The following ARF4 variants were observed in gnomAD, a reference collection of about 807,000 sequenced individuals.
ARF4 encodes ARF GTPase 4.
A neutral mutation model predicts 24.3 loss-of-function variants in ARF4; 5 were observed. The observed-to-expected ratio is 0.21, with a 90% CI of 0.11 to 0.43. The LOEUF is 0.43. Ranked by LOEUF, ARF4 falls within the 20% of genes least tolerant of loss-of-function variation. The pLI, the probability that ARF4 is intolerant of heterozygous loss-of-function variation, is 1.00. For missense variants in ARF4, 107 were observed against 213.0 expected (o/e 0.50, Z 3.10); for synonymous variants, 62 against 73.5 (o/e 0.84, Z 0.80).
chr3:57,583,134 C>G (rs2069996203), intron 3 of ARF4, among the ~76,000 whole-genome samples: 1 of 152,172 alleles, frequency 6.6e-6, no homozygotes, highest in African/African-American at 2.4e-5. Flanking sequence ...TGTAAGATAC[C>G]AGACCAGTAG....
intron 3 of ARF4, among the ~76,000 whole-genome samples, chr3:57,580,955 A>G (rs928858826): frequency 1.3e-5 from 2 of 152,132 alleles, no homozygotes; most frequent in Non-Finnish European, 2.9e-5. Flanking sequence ...CCAAAGTGAC[A>G]TTATTGAGAA....
chr3:57,596,990 G>C (rs985292628), intron 1 of ARF4, 84 bp downstream of exon 1: 1 of 1,447,110 alleles, frequency 6.9e-7, no homozygotes, highest in East Asian at 2.4e-5. Flanking sequence ...AGCGGGCGGA[G>C]GAAAAAAACA....
intron 3 of ARF4, among the ~76,000 whole-genome samples, chr3:57,579,063 G>A (rs1016644450): frequency 2.0e-5 from 3 of 151,820 alleles, no homozygotes; most frequent in South Asian, 4.2e-4. Context: ...CTGGGAGGCC[G>A]AGGCAGGTGG....
Position 57,597,120 on chromosome 3 carries a change from G to A in ARF4, c.21C>T (p.Ser7=), listed in dbSNP as rs770640352. 4.3e-6 allele frequency: 7 copies of A among 1,614,144 alleles called. No individual in the cohort carries two copies. The highest frequency in any genetic ancestry group is 2.2e-5 in the South Asian group (2 of 91,080). MGLTIS[S]LFSRLFGKKQ... ...TCTTGCCAAATAGTCGGGAGAAGAG[G>A]GAGGAGATAGTGAGGCCCATGGCGG... The change falls in exon 1 of 6, where the codon TCC becomes TCT. Residue 7 remains serine (S), a synonymous_variant. Transcript: ENST00000303436.
chr3:57,575,305 CAAAAAAAA>C (rs11294059), intron 5 of ARF4, among the ~76,000 whole-genome samples: 28 of 134,998 alleles, frequency 2.1e-4, no homozygotes, highest in Admixed American at 9.5e-4. Flanking sequence ...CCTCTCCCTT[CAAAAAAAA>C]AAAAAAAGAA....
Position 57,584,281 on chromosome 3 carries a change from A to G in ARF4, c.148+103T>C, listed in dbSNP as rs2070010300. On this transcript the variant is annotated intron_variant, in intron 2 of 5. Coordinates refer to ENST00000303436, the MANE Select transcript of ARF4 (RefSeq NM_001660.4). Reference sequence around the variant, plus strand: ...CCCGGCCTGTTTTAAAAGTACTTCTAAGATAATCAACATGCTTAACAAAAA... The same window carrying G: ...CCCGGCCTGTTTTAAAAGTACTTCTGAGATAATCAACATGCTTAACAAAAA... 4 of 1,130,172 alleles carry G rather than the reference A, an allele frequency of 3.5e-6. No individual in the cohort carries two copies. The East Asian group carries it at 7.1e-5, about 20-fold the overall frequency. The allele number at this position is 1,130,172 out of a possible 1,614,324, so 70.0% of individuals were successfully genotyped here. A position where few individuals can be genotyped will look rare whatever the true frequency, so the allele number is the denominator to read the frequency against.
intron 4 of ARF4, 30 bp from the exon 5 acceptor site, chr3:57,575,703 TACC>T (rs1246534916): frequency 1.9e-6 from 3 of 1,577,078 alleles, no homozygotes; most frequent in Non-Finnish European, 2.6e-6. Context: ...CATTAACAAC[TACC>T]AACCGGAATC....
rs530643725 is a variant in ARF4, at chr3:57,571,896, A to G, written c.*316T>C. ...AGCAAGGGGATAACTTTAAAACATT[A>G]TTTGTCTGGGGCTCAAAAAACACTC... On this transcript the variant is annotated 3_prime_UTR_variant, in exon 6 of 6. Coordinates refer to ENST00000303436, the MANE Select transcript of ARF4 (RefSeq NM_001660.4). 4.2e-6 allele frequency: 1 copy of G among 237,954 alleles called. No individual in the cohort carries two copies. Among genetic ancestry groups the G allele is most frequent in the African/African-American group, 2.2e-5 (1 of 44,540 alleles). The allele number at this position is 237,954 out of a possible 1,614,324, so 14.7% of individuals were successfully genotyped here. A position where few individuals can be genotyped will look rare whatever the true frequency, so the allele number is the denominator to read the frequency against.
chr3:57,577,054 T>C (rs1244950410), intron 4 of ARF4, among the ~76,000 whole-genome samples: 2 of 137,746 alleles, frequency 1.5e-5, no homozygotes, highest in Non-Finnish European at 3.2e-5. Context: ...TGAGGCATTC[T>C]AAAAAAAAAA....
chr3:57,584,881 G>C (rs1457880626), intron 1 of ARF4, among the ~76,000 whole-genome samples: 4 of 151,906 alleles, frequency 2.6e-5, no homozygotes. Context: ...AGGGGAGCGG[G>C]GGGACGTATT....
chr3:57,594,261 CTTTA>C (rs1174265358), intron 1 of ARF4, among the ~76,000 whole-genome samples: 1 of 152,068 alleles, frequency 6.6e-6, no homozygotes, highest in African/African-American at 2.4e-5. Flanking sequence ...GACGCTATTG[CTTTA>C]TTTTTATTTT....
chr3:57,594,482 G>A (rs1449315218), intron 1 of ARF4, among the ~76,000 whole-genome samples: 1 of 152,142 alleles, frequency 6.6e-6, no homozygotes, highest in Non-Finnish European at 1.5e-5. Flanking sequence ...TCAATCAATA[G>A]TTCAGATGAT....
At chr3:57,575,490 C>A (rs1248316346) in intron 5 of ARF4, 58 bp downstream of exon 5, 1 of 1,505,092 alleles carries the variant, frequency 6.6e-7, no homozygotes, top group African/African-American at 1.4e-5. Flanking sequence ...TTAGCTTACA[C>A]AACTATCCTA....
At chr3:57,592,945 C>T (rs967044766) in intron 1 of ARF4, among the ~76,000 whole-genome samples, 18 of 152,172 alleles carry the variant, frequency 1.2e-4, no homozygotes, top group African/African-American at 4.1e-4. Flanking sequence ...TGGCTTACAC[C>T]TGTCATCCTA....
At chr3:57,592,000 T>C (rs2070121814) in intron 1 of ARF4, among the ~76,000 whole-genome samples, 1 of 152,210 alleles carries the variant, frequency 6.6e-6, no homozygotes, top group Non-Finnish European at 1.5e-5. Context: ...CAACTTTGAA[T>C]ACATATACTA....
At chr3:57,583,494 T>G (rs1483432028) in intron 3 of ARF4, among the ~76,000 whole-genome samples, 1 of 152,182 alleles carries the variant, frequency 6.6e-6, no homozygotes, top group Non-Finnish European at 1.5e-5. Flanking sequence ...GCGAACTGAC[T>G]TTACTGTATT....
At chr3:57,593,762 C>G (rs1052990199) in intron 1 of ARF4, among the ~76,000 whole-genome samples, 1 of 152,114 alleles carries the variant, frequency 6.6e-6, no homozygotes, top group Non-Finnish European at 1.5e-5. Context: ...TGCAGCCAGG[C>G]TCAGTGGCTC....
intron 1 of ARF4, among the ~76,000 whole-genome samples, chr3:57,591,244 A>G (rs1373973612): frequency 4.0e-5 from 6 of 149,660 alleles, no homozygotes; most frequent in Non-Finnish European, 9.0e-5. Context: ...ACATGCCCAC[A>G]CAAAAACTTG....
intron 1 of ARF4, among the ~76,000 whole-genome samples, chr3:57,589,733 A>C (rs1379223228): frequency 6.6e-6 from 1 of 151,480 alleles, no homozygotes; most frequent in Non-Finnish European, 1.5e-5. Flanking sequence ...AACAAACAAA[A>C]AACCCAAAAA....
Sources: gnomAD v4.1 joint callset for allele counts (sites outside exome capture counted in the v4.1 genomes callset) on GRCh38, gnomAD v4.1.1 for gene constraint, MANE v1.5 for transcripts, NCBI Gene and HGNC (gene_info 2026-07-23, HGNC 2026-07-21) for gene names.